Variants in SELENOS observed in about 807,000 individuals in gnomAD.
SELENOS encodes selenoprotein S, also known as VCP interacting membrane selenoprotein.
Under a neutral mutation model 30.2 loss-of-function variants are expected in SELENOS, and 37 were observed. That is an observed-to-expected ratio of 1.23 (90% CI 0.94 to 1.61). The LOEUF (loss-of-function observed/expected upper bound fraction) is 1.61, where lower values mean the gene tolerates loss of function less well. Among genes scored for constraint, SELENOS ranks in the 40% most tolerant of loss-of-function variants. SELENOS has a pLI of 0.00. For synonymous variants in SELENOS, 119 were observed against 91.6 expected, an observed-to-expected ratio of 1.30 and a Z score of -1.71; for missense variants, 289 against 231.8, an observed-to-expected ratio of 1.25 and a Z score of -1.60.
chr15:101,277,074 G>A (rs978854962), intron 1 of SELENOS: 6 of 653,334 alleles, frequency 9.2e-6, no homozygotes, highest in Non-Finnish European at 1.6e-5. Flanking sequence ...ACGGCCGAGT[G>A]ACCCCAGTAA....
rs2039283705 is a variant in SELENOS at position 101,272,818 on chromosome 15, A to G, written c.523T>C (p.Ser175Pro). The change falls in exon 6 of 6, where the codon TCC becomes CCC. Residue 175 changes from serine to proline, a missense_variant. Ser to Pro is a moderately conservative substitution (Grantham distance 74). Transcript: ENST00000526049. The stretch of plus-strand genomic sequence containing the variant: ...GGGCCTCTGCGTCCAGGTCTCCAGG[A>G]GCAAGCTCCGCCTCCTTCACCAGAC... The part of the protein sequence containing the change: ...PLSGEGGGAC[S>P]WRPGRRGPSS... 3 of 1,610,506 alleles carry G rather than the reference A, an allele frequency of 1.9e-6. No homozygotes were observed. The highest frequency in any genetic ancestry group is 2.5e-6 in the Non-Finnish European group (3 of 1,178,518).
rs1051429721 is a variant in SELENOS at position 101,277,434 on chromosome 15, G to A, written c.-17C>T. ...GCGTTCCATGACCGCCGCCGCCGCC[G>A]CCGCCCAGCCCTGCCGCCGCGCCTC... On this transcript the variant is annotated 5_prime_UTR_variant, in exon 1 of 6. Coordinates refer to ENST00000526049, the MANE Select transcript of SELENOS (RefSeq NM_018445.6). The A allele has an allele frequency of 2.5e-5, 36 of 1,460,380 alleles. No homozygotes were observed. The highest frequency in any genetic ancestry group is 2.3e-4 in the Admixed American group (9 of 39,098). 90.5% of individuals were successfully genotyped at this position (1,460,380 alleles called of 1,614,324 possible).
rs1478679964 is a variant in SELENOS, at chr15:101,276,585, C to G, written c.167G>C (p.Arg56Thr). The G allele has an allele frequency of 6.2e-7, 1 of 1,613,698 alleles. No homozygotes were observed. The highest frequency in any genetic ancestry group is 2.2e-5 in the East Asian group (1 of 44,900). Residue 56 changes from arginine to threonine, a missense_variant, in exon 2 of 6, where the codon AGA (arginine) becomes ACA (threonine). By Grantham distance (71) the Arg-to-Thr change is moderately conservative. Transcript: ENST00000526049. Reference protein sequence around the residue: ...VVFQKLSARLRALRQRQLDRA... With the variant: ...VVFQKLSARLTALRQRQLDRA... The stretch of plus-strand genomic sequence containing the variant: ...GTCCAGCTGCCTCTGCCTCAAGGCT[C>G]TTAGCCGGGCGGAAAGCTTCTGAAA...
Position 101,275,240 on chromosome 15 carries a change from G to C in SELENOS, c.318+15C>G, listed in dbSNP as rs369743890. ...CAATTTCTATGCACACATTCAAACT[G>C]AAACCAGTTCATACTTGTTTCAGTT... On this transcript the variant is annotated intron_variant, in intron 3 of 5. Coordinates refer to ENST00000526049, the MANE Select transcript of SELENOS (RefSeq NM_018445.6). The C allele has an allele frequency of 1.3e-6, 2 of 1,529,972 alleles. No individual in the cohort carries two copies. Among genetic ancestry groups the C allele is most frequent in the Non-Finnish European group, 1.8e-6 (2 of 1,139,508 alleles). 94.8% of individuals were successfully genotyped at this position (1,529,972 alleles called of 1,614,324 possible).
chr15:101,275,863 T>C (rs1238490098), intron 2 of SELENOS, among the ~76,000 whole-genome samples: 1 of 150,132 alleles, frequency 6.7e-6, no homozygotes, highest in Non-Finnish European at 1.5e-5. Context: ...TTTCTATTCA[T>C]AACGTCTACT....
At chr15:101,277,011 G>A (rs2039335511) in intron 1 of SELENOS, 1 of 540,646 alleles carries the variant, frequency 1.8e-6, no homozygotes, top group Non-Finnish European at 3.3e-6. Context: ...ACAGCGCGGG[G>A]AGTCAGGAGT....
At chr15:101,275,939 G>C (rs1272982316) in intron 2 of SELENOS, among the ~76,000 whole-genome samples, 2 of 144,472 alleles carry the variant, frequency 1.4e-5, no homozygotes, top group Non-Finnish European at 3.0e-5. Context: ...AAAAAAGAAA[G>C]AAAAGACAGT....
chr15:101,274,469 A>C lies in SELENOS; in HGVS notation c.435T>G (p.Thr145=). The change falls in exon 5 of 6, where the codon ACT becomes ACG. Residue 145 remains threonine, a synonymous_variant. Transcript: ENST00000526049. The part of the protein sequence containing the change: ...PQEEDSPGPS[T]SSVLKRKSDR... The stretch of plus-strand genomic sequence containing the variant: ...CCGATTTCCGTTTCAGGACAGATGA[A>C]GTGGAAGGCCCAGGACTGTCTTCCT... The C allele has an allele frequency of 1.2e-6, 2 of 1,609,568 alleles. No homozygotes were observed. The highest frequency in any genetic ancestry group is 8.5e-7 in the Non-Finnish European group (1 of 1,177,776).
At position 101,274,496 on chromosome 15, in the gene SELENOS, C is replaced by T. The variant is rs1218986795; in HGVS notation, c.409-1G>A. 2.5e-6 allele frequency: 4 copies of T among 1,608,214 alleles called. No homozygotes were observed. In the South Asian group the frequency reaches 3.3e-5, roughly 13 times the overall value. Reference sequence around the variant, plus strand: ...TGGAAGGCCCAGGACTGTCTTCCTCCTGTTTGAACACACACAGTAGTGTAA... The same window carrying T: ...TGGAAGGCCCAGGACTGTCTTCCTCTTGTTTGAACACACACAGTAGTGTAA... On this transcript the variant is annotated splice_acceptor_variant, in intron 4 of 5. Coordinates refer to ENST00000526049, the MANE Select transcript of SELENOS (RefSeq NM_018445.6). LOFTEE classifies it high-confidence loss of function.
At position 101,274,574 on chromosome 15, in the gene SELENOS, G is replaced by A; in HGVS notation, c.408+18C>T. ...ATCTTCATCTACCGCATGCCAGCCG[G>A]CCGAGGTCTCCAGTCACCTGGGGCT... On this transcript the variant is annotated intron_variant, in intron 4 of 5. Coordinates refer to ENST00000526049, the MANE Select transcript of SELENOS (RefSeq NM_018445.6). 2.5e-6 allele frequency: 4 copies of A among 1,612,764 alleles called. No individual in the cohort carries two copies. Among genetic ancestry groups the A allele is most frequent in the Non-Finnish European group, 3.4e-6 (4 of 1,179,166 alleles).
intron 5 of SELENOS, chr15:101,274,200 C>T (rs117512970): frequency 0.016 from 9,571 of 601,246 alleles, 172 homozygotes; most frequent in East Asian, 0.056. Context: ...CTCTACGGGG[C>T]TGCAGAAGGA....
chr15:101,274,340 C>G, intron 5 of SELENOS, 80 bp downstream of exon 5: 1 of 1,467,558 alleles, frequency 6.8e-7, no homozygotes, highest in Middle Eastern at 2.1e-4. Flanking sequence ...GACAAAGAAA[C>G]AAACAATCTT....
intron 3 of SELENOS, chr15:101,274,945 G>A: frequency 1.7e-6 from 1 of 577,674 alleles, no homozygotes; most frequent in East Asian, 3.0e-5. Context: ...CTCCTGTCAG[G>A]ACATTTTTGG....
Position 101,276,412 on chromosome 15 carries a change from CTATT to C in SELENOS, c.211+125_211+128del, listed in dbSNP as rs1402974894. On this transcript the variant is annotated intron_variant, in intron 2 of 5. Transcript: ENST00000526049. ...TACAGGTGCGTGCCGCCACTCCCGG[CTATT>C]TTTTTTTTTTTTAAATAGAGACAGG... is the stretch of plus-strand genomic sequence containing the variant. 5 of 1,165,234 alleles carry C rather than the reference CTATT, an allele frequency of 4.3e-6. No homozygotes were observed. In the Admixed American group the frequency reaches 1.7e-4, roughly 39 times the overall value. 72.2% of individuals were successfully genotyped at this position (1,165,234 alleles called of 1,614,324 possible).
rs1045541555 is a variant in SELENOS, at chr15:101,276,755, T to A, written c.77-80A>T. The A allele has an allele frequency of 2.5e-5, 38 of 1,513,878 alleles. No homozygotes were observed. In the African/African-American group the frequency reaches 5.1e-4, roughly 21 times the overall value. 93.8% of individuals were successfully genotyped at this position (1,513,878 alleles called of 1,614,324 possible). ...TCCATAAGACTCAACAAACACAAAG[T>A]GTAACTCCTGCCCTCAAAGCCTTCA... On this transcript the variant is annotated intron_variant, in intron 1 of 5. Coordinates refer to ENST00000526049, the MANE Select transcript of SELENOS (RefSeq NM_018445.6).
Position 101,277,402 on chromosome 15 carries a change from CCT to C in SELENOS, c.14_15del (p.Glu5GlyfsTer68). MERQ[E>X]ESLSARPALE... ...AGGGCCGGCCGCGCGGACAGAGACT[CCT>C]CTTGGCGTTCCATGACCGCCGCCGC... On this transcript the variant is annotated frameshift_variant, in exon 1 of 6. Transcript: ENST00000526049. LOFTEE classifies it high-confidence loss of function. 6.7e-7 allele frequency: 1 copy of C among 1,491,066 alleles called. No homozygotes were observed. Among genetic ancestry groups the C allele is most frequent in the Non-Finnish European group, 8.9e-7 (1 of 1,128,128 alleles). The allele number at this position is 1,491,066 out of a possible 1,614,324, so 92.4% of individuals were successfully genotyped here.
intron 5 of SELENOS, among the ~76,000 whole-genome samples, chr15:101,273,414 C>T (rs1156681490): frequency 6.6e-6 from 1 of 152,134 alleles, no homozygotes; most frequent in African/African-American, 2.4e-5. Flanking sequence ...TTACTCCTTA[C>T]TTATAGTGGA....
downstream of SELENOS, chr15:101,271,215 T>C (rs541533964): frequency 6.6e-6 from 1 of 152,314 alleles, no homozygotes; most frequent in African/African-American, 2.4e-5. Context: ...AGGAAGAATG[T>C]TAAAAAGTTT....
downstream of SELENOS, chr15:101,270,858 T>C (rs1040099104): frequency 6.6e-6 from 1 of 151,980 alleles, no homozygotes; most frequent in Non-Finnish European, 1.5e-5. Context: ...AAGTTTCCCC[T>C]CCCCTCCATT....
Sources: gnomAD v4.1 joint callset for allele counts (sites outside exome capture counted in the v4.1 genomes callset) on GRCh38, gnomAD v4.1.1 for gene constraint, MANE v1.5 for transcripts, NCBI Gene and HGNC (gene_info 2026-07-23, HGNC 2026-07-21) for gene names.